The following CNTN5 variants were observed in gnomAD, a reference collection of about 807,000 sequenced individuals.
The protein encoded by CNTN5 is contactin 5, also known as contactin-5.
A neutral mutation model predicts 129.1 loss-of-function variants in CNTN5; 77 were observed. That is an observed-to-expected ratio of 0.60 (90% CI 0.50 to 0.72). The LOEUF (loss-of-function observed/expected upper bound fraction) is 0.72, where lower values mean the gene tolerates loss of function less well. CNTN5 is among the 30% of genes least tolerant of loss of function. The pLI is 0.00. For synonymous variants in CNTN5, 509 were observed against 465.6 expected, an observed-to-expected ratio of 1.09 and a Z score of -1.20; for missense variants, 1,478 against 1,328.8, an observed-to-expected ratio of 1.11 and a Z score of -1.75.
At chr11:99,875,799 G>T (rs1948618489) in intron 6 of CNTN5, among the ~76,000 whole-genome samples, 1 of 152,054 alleles carries the variant, frequency 6.6e-6, no homozygotes, top group Non-Finnish European at 1.5e-5. Context: ...CAAAATAAAT[G>T]ACTCAATGAA....
intron 2 of CNTN5, among the ~76,000 whole-genome samples, chr11:99,414,704 G>T (rs972662926): frequency 2.7e-4 from 41 of 152,066 alleles, no homozygotes; most frequent in African/African-American, 9.4e-4. Flanking sequence ...AAGATGTGTG[G>T]ATATCTGGGG....
rs1372768364 is a variant in CNTN5 at position 99,745,199 on chromosome 11, T to A, written c.56-74345T>A. On this transcript the variant is annotated intron_variant, in intron 3 of 24. Transcript: ENST00000524871. ...TACCTCCCTGCTCACCCTTATAAAT[T>A]TCTGAATTAGAACAATGGTAAAACA... 2.6e-5 allele frequency among the ~76,000 whole-genome samples: 4 copies of A among 152,144 alleles called. No homozygotes were observed. In the South Asian group the frequency reaches 8.3e-4, roughly 31 times the overall value.
chr11:99,455,862 G>C (rs1282565089), intron 2 of CNTN5, among the ~76,000 whole-genome samples: 4 of 152,106 alleles, frequency 2.6e-5, no homozygotes, highest in African/African-American at 9.7e-5. Flanking sequence ...GCTTTGCTCT[G>C]TAAATGTGTG....
At chr11:99,590,281 C>T (rs1252724947) in intron 3 of CNTN5, among the ~76,000 whole-genome samples, 1 of 152,096 alleles carries the variant, frequency 6.6e-6, no homozygotes, top group Non-Finnish European at 1.5e-5. Context: ...GAAGAGACTG[C>T]TGGATACAGA....
chr11:99,422,967 T>C (rs1202032860), intron 2 of CNTN5, among the ~76,000 whole-genome samples: 1 of 151,972 alleles, frequency 6.6e-6, no homozygotes, highest in Non-Finnish European at 1.5e-5. Context: ...ACAAAGATAA[T>C]AGAGGAAGAA....
intron 8 of CNTN5, among the ~76,000 whole-genome samples, chr11:99,972,732 C>T (rs574675592): frequency 2.0e-4 from 30 of 152,244 alleles, no homozygotes; most frequent in African/African-American, 6.3e-4. Flanking sequence ...ACCATCTGGA[C>T]ATACCTAGAG....
chr11:99,708,124 A>G (rs1954830327), intron 3 of CNTN5, among the ~76,000 whole-genome samples: 1 of 151,708 alleles, frequency 6.6e-6, no homozygotes, highest in Non-Finnish European at 1.5e-5. Context: ...TGTGACCTAG[A>G]CCACTATTCT....
chr11:99,639,540 G>A (rs1951687497), intron 3 of CNTN5, among the ~76,000 whole-genome samples: 2 of 142,698 alleles, frequency 1.4e-5, no homozygotes, highest in South Asian at 2.3e-4. Context: ...GTATTTAACA[G>A]CACCCAAGTC....
At chr11:99,646,047 G>A (rs1951948063) in intron 3 of CNTN5, among the ~76,000 whole-genome samples, 1 of 152,206 alleles carries the variant, frequency 6.6e-6, no homozygotes, top group South Asian at 2.1e-4. Flanking sequence ...ACAAGTCCAA[G>A]TCACTAGTGC....
At chr11:99,496,219 GT>G (rs1289503403) in intron 2 of CNTN5, among the ~76,000 whole-genome samples, 3 of 152,086 alleles carry the variant, frequency 2.0e-5, no homozygotes, top group African/African-American at 7.2e-5. Context: ...GTCACACTCT[GT>G]GAAGTTTAAC....
chr11:99,876,795 G>C (rs1286674649), intron 6 of CNTN5, among the ~76,000 whole-genome samples: 1 of 152,118 alleles, frequency 6.6e-6, no homozygotes, highest in Non-Finnish European at 1.5e-5. Context: ...GATATATTAA[G>C]TGATTTTCTA....
chr11:99,384,583 C>T (rs1940806455), intron 2 of CNTN5, among the ~76,000 whole-genome samples: 1 of 152,132 alleles, frequency 6.6e-6, no homozygotes, highest in South Asian at 2.1e-4. Flanking sequence ...AAAGTGCATC[C>T]AAGTTCTATA....
At chr11:99,666,294 T>G (rs957321605) in intron 3 of CNTN5, among the ~76,000 whole-genome samples, 2 of 152,266 alleles carry the variant, frequency 1.3e-5, no homozygotes, top group African/African-American at 4.8e-5. Context: ...ACTTAAAAAG[T>G]TATTTTCCCA....
At chr11:99,995,087 T>C (rs1193968391) in intron 8 of CNTN5, among the ~76,000 whole-genome samples, 2 of 152,224 alleles carry the variant, frequency 1.3e-5, no homozygotes, top group African/African-American at 4.8e-5. Context: ...TATCAGGCTC[T>C]TGATGTGCAG....
At chr11:100,059,754 G>A (rs1249757514) in intron 9 of CNTN5, among the ~76,000 whole-genome samples, 3 of 152,122 alleles carry the variant, frequency 2.0e-5, no homozygotes, top group Admixed American at 2.0e-4. Context: ...GAAACTGCTT[G>A]TATATTATTG....
intron 1 of CNTN5, among the ~76,000 whole-genome samples, chr11:99,144,987 T>C (rs1859706205): frequency 6.6e-6 from 1 of 152,142 alleles, no homozygotes; most frequent in African/African-American, 2.4e-5. Flanking sequence ...TCCATGTCTC[T>C]TTTGTATTTA....
At chr11:99,503,245 T>C (rs527949302) in intron 2 of CNTN5, among the ~76,000 whole-genome samples, 96 of 152,316 alleles carry the variant, frequency 6.3e-4, no homozygotes, top group African/African-American at 2.3e-3. Flanking sequence ...TCGCATACAC[T>C]AATTACTAGA....
At chr11:99,429,414 T>G (rs889187147) in intron 2 of CNTN5, among the ~76,000 whole-genome samples, 148 of 152,246 alleles carry the variant, frequency 9.7e-4, no homozygotes, top group Admixed American at 9.7e-3. Flanking sequence ...ATAATCTACT[T>G]CATTACCCTA....
chr11:100,220,278 A>AT (rs1949235929), intron 15 of CNTN5, among the ~76,000 whole-genome samples: 1 of 151,730 alleles, frequency 6.6e-6, no homozygotes, highest in African/African-American at 2.4e-5. Context: ...CTCTGTCTCA[A>AT]TTAAAAAAAA....
Sources: allele counts gnomAD v4.1 joint callset (sites outside exome capture counted in the v4.1 genomes callset), GRCh38; gene constraint gnomAD v4.1.1; transcripts MANE v1.5; gene names NCBI Gene and HGNC (gene_info 2026-07-23, HGNC 2026-07-21).